The following ALOX12 variants were observed in gnomAD, a reference collection of about 807,000 sequenced individuals.
ALOX12 encodes the protein polyunsaturated fatty acid lipoxygenase ALOX12.
In ALOX12, 62 loss-of-function variants were observed where a neutral mutation model predicts 85.5. The ratio of observed to expected loss-of-function variants is 0.73; its 90% confidence interval spans 0.59 to 0.90. The LOEUF (loss-of-function observed/expected upper bound fraction) is 0.90. Ranked by LOEUF, ALOX12 falls within the 40% of genes least tolerant of loss-of-function variation. The probability of loss-of-function intolerance (pLI) is 0.00; values close to 1 mark genes in which losing one functional copy is unlikely to be tolerated. For missense variants in ALOX12, 751 were observed against 856.5 expected (o/e 0.88, Z 1.54); for synonymous variants, 299 against 332.7 (o/e 0.90, Z 1.10).
At chr17:7,007,957 C>G (rs1909171893) in intron 11 of ALOX12, among the ~76,000 whole-genome samples, 1 of 152,202 alleles carries the variant, frequency 6.6e-6, no homozygotes, top group Non-Finnish European at 1.5e-5. Flanking sequence ...CCTCACAGTT[C>G]TGGAGGCTGA....
chr17:6,996,081 G>A lies in ALOX12; in HGVS notation c.-37G>A. ...CTGGGCGGTCCCGGGAATCGCACAG[G>A]ACCCGGCTCCCCTCGCCTAAGCTGC... is the stretch of plus-strand genomic sequence containing the variant. On this transcript the variant is annotated 5_prime_UTR_variant, in exon 1 of 14. Coordinates refer to ENST00000251535, the MANE Select transcript of ALOX12 (RefSeq NM_000697.3). The A allele has an allele frequency of 8.0e-7, 1 of 1,242,450 alleles. No individual in the cohort carries two copies. The allele number at this position is 1,242,450 out of a possible 1,614,324, so 77.0% of individuals were successfully genotyped here.
Position 7,000,609 on chromosome 17 carries a change from A to G in ALOX12, c.951+130A>G. 8.9e-7 allele frequency: 1 copy of G among 1,119,520 alleles called. No individual in the cohort carries two copies. The highest frequency in any genetic ancestry group is 1.3e-6 in the Non-Finnish European group (1 of 782,388). The allele number at this position is 1,119,520 out of a possible 1,614,324, so 69.3% of individuals were successfully genotyped here. ...CAGTGAGACTTGTCTTCATGTCACT[A>G]TTTGCCTGTACCCTCGTCTCCCCTG... On this transcript the variant is annotated intron_variant, in intron 7 of 13. Coordinates refer to ENST00000251535, the MANE Select transcript of ALOX12 (RefSeq NM_000697.3). The surrounding 1 kb of genome is among the most constrained non-coding windows in gnomAD (Gnocchi z 4.6).
rs1461353845 is a variant in ALOX12, at chr17:7,010,436, C to A, written c.*13C>A. On this transcript the variant is annotated 3_prime_UTR_variant, in exon 14 of 14. Coordinates refer to ENST00000251535, the MANE Select transcript of ALOX12 (RefSeq NM_000697.3). The stretch of plus-strand genomic sequence containing the variant: ...TGTCACCATCTGAGCCCTAGAGTGA[C>A]TCTACCTGCAAGATTTCACATCAGC... The A allele has an allele frequency of 7.5e-6, 12 of 1,605,670 alleles. No homozygotes were observed. Among genetic ancestry groups the A allele is most frequent in the African/African-American group, 1.3e-5 (1 of 74,578 alleles).
intron 1 of ALOX12, 73 bp downstream of exon 1, chr17:6,996,325 G>A (rs1166512782): frequency 4.1e-6 from 5 of 1,209,498 alleles, no homozygotes; most frequent in Non-Finnish European, 5.1e-6. Context: ...CTGGGCTCGC[G>A]GCGGGAGGGC....
At chr17:7,001,580 C>T (rs771395685) in intron 7 of ALOX12, 22 bp from the exon 8 acceptor site, 26 of 1,588,378 alleles carry the variant, frequency 1.6e-5, no homozygotes, top group Non-Finnish European at 2.2e-5. Context: ...AATGGGAGTT[C>T]AATAATTTCT....
In ALOX12 at chr17:7,010,550, A is replaced by G; in HGVS notation, c.*127A>G. 8.6e-7 allele frequency: 1 copy of G among 1,168,150 alleles called. No individual in the cohort carries two copies. Among genetic ancestry groups the G allele is most frequent in the Non-Finnish European group, 1.2e-6 (1 of 852,658 alleles). 72.4% of individuals were successfully genotyped at this position (1,168,150 alleles called of 1,614,324 possible). A position where few individuals can be genotyped will look rare whatever the true frequency, so the allele number is the denominator to read the frequency against. On this transcript the variant is annotated 3_prime_UTR_variant, in exon 14 of 14. Transcript: ENST00000251535. The stretch of plus-strand genomic sequence containing the variant: ...ATTTCCTCCCCCAGTTAAACCCCCT[A>G]CATTAGTATCCCACTAGCCCAGGGG...
chr17:6,997,138 G>A (rs1226779296), intron 2 of ALOX12, 111 bp downstream of exon 2: 1 of 1,429,292 alleles, frequency 7.0e-7, no homozygotes, highest in Non-Finnish European at 9.2e-7. Context: ...ATGGGCCCAG[G>A]GCAGGTGAAA....
At position 7,000,933 on chromosome 17, in the gene ALOX12, A is replaced by C. The variant is rs953703877; in HGVS notation, c.951+454A>C. Among the ~76,000 whole-genome samples the C allele has an allele frequency of 1.4e-5, 2 of 146,812 alleles. No homozygotes were observed. The highest frequency in any genetic ancestry group is 5.1e-5 in the African/African-American group (2 of 39,422). ...GCTCTGAACCCTCGCCATCTCTTGAATATCTTTTCTCGCAATTTCTTTTTT... is the reference window on the plus strand; with the variant it reads ...GCTCTGAACCCTCGCCATCTCTTGACTATCTTTTCTCGCAATTTCTTTTTT... On this transcript the variant is annotated intron_variant, in intron 7 of 13. Coordinates refer to ENST00000251535, the MANE Select transcript of ALOX12 (RefSeq NM_000697.3). The surrounding 1 kb of genome is among the most constrained non-coding windows in gnomAD (Gnocchi z 4.6).
chr17:6,999,204 C>G (rs1908590531), intron 5 of ALOX12, 102 bp from the exon 6 acceptor site: 1 of 1,527,998 alleles, frequency 6.5e-7, no homozygotes, highest in African/African-American at 1.4e-5. Flanking sequence ...AACGCAGAAG[C>G]TGGGTTCAGG....
At chr17:6,996,418 C>G (rs528893884) in intron 1 of ALOX12, among the ~76,000 whole-genome samples, 166 bp downstream of exon 1, 43 of 152,244 alleles carry the variant, frequency 2.8e-4, no homozygotes, top group Non-Finnish European at 5.1e-4. Context: ...AGATTAGGGA[C>G]AGGGTCCGCA....
chr17:7,007,676 G>C (rs1019240171), intron 11 of ALOX12, among the ~76,000 whole-genome samples: 3 of 152,108 alleles, frequency 2.0e-5, no homozygotes, highest in Admixed American at 6.5e-5. Context: ...GAGGTCAGGA[G>C]TTCGAGACCA....
In ALOX12 at chr17:7,005,242, T is replaced by C. The variant is rs1324461230; in HGVS notation, c.1162-15T>C. 2 of 1,610,446 alleles carry C rather than the reference T, an allele frequency of 1.2e-6. No homozygotes were observed. The highest frequency in any genetic ancestry group is 1.7e-6 in the Non-Finnish European group (2 of 1,176,970). On this transcript the variant is annotated splice_polypyrimidine_tract_variant and intron_variant, in intron 8 of 13. Coordinates refer to ENST00000251535, the MANE Select transcript of ALOX12 (RefSeq NM_000697.3). The stretch of plus-strand genomic sequence containing the variant: ...GGCCTCCACCAGTCACGCCCTCCAA[T>C]CTCCTCCTCTCCAGTTCCTGATCCC...
At chr17:7,002,441 C>T (rs1400984628) in intron 8 of ALOX12, 1 of 464,740 alleles carries the variant, frequency 2.2e-6, no homozygotes, top group Non-Finnish European at 4.4e-6. Context: ...GTCCAAGCTT[C>T]TGCCACACCT....
intron 8 of ALOX12, 37 bp from the exon 9 acceptor site, chr17:7,005,220 C>G (rs780644201): frequency 1.9e-6 from 3 of 1,579,880 alleles, no homozygotes; most frequent in Non-Finnish European, 2.6e-6. Flanking sequence ...CAAGCATGGC[C>G]TCCACCAGTC....
rs993938034 is a variant in ALOX12 at position 7,000,009 on chromosome 17, G to A, written c.808-327G>A. Among the ~76,000 whole-genome samples, 1 of 152,180 alleles carries A rather than the reference G, an allele frequency of 6.6e-6. No homozygotes were observed. Among genetic ancestry groups the A allele is most frequent in the Admixed American group, 6.5e-5 (1 of 15,282 alleles). On this transcript the variant is annotated intron_variant, in intron 6 of 13. Coordinates refer to ENST00000251535, the MANE Select transcript of ALOX12 (RefSeq NM_000697.3). The surrounding 1 kb of genome is among the most constrained non-coding windows in gnomAD (Gnocchi z 4.6). Reference sequence around the variant, plus strand: ...AGCTGATAGGAGCCAAAACCAGAGCGCAGACCATTCGGGAATGATCAGAAA... The same window carrying A: ...AGCTGATAGGAGCCAAAACCAGAGCACAGACCATTCGGGAATGATCAGAAA...
chr17:7,006,716 T>A, intron 11 of ALOX12, 109 bp downstream of exon 11: 1 of 1,394,646 alleles, frequency 7.2e-7, no homozygotes, highest in Non-Finnish European at 9.6e-7. Flanking sequence ...ACGCCTCCCT[T>A]CCTCCCTCCA....
chr17:7,002,960 A>C (rs529674301), intron 8 of ALOX12, among the ~76,000 whole-genome samples: 1 of 152,248 alleles, frequency 6.6e-6, no homozygotes, highest in South Asian at 2.1e-4. Flanking sequence ...GGGGGCCTCC[A>C]CCAAGACCCC....
intron 8 of ALOX12, among the ~76,000 whole-genome samples, chr17:7,004,962 G>C (rs1046020636): frequency 4.6e-5 from 7 of 152,178 alleles, no homozygotes; most frequent in African/African-American, 1.7e-4. Flanking sequence ...TGAGATAAGA[G>C]AGTCTATTGC....
In ALOX12 at chr17:6,998,560, A is replaced by G. The variant is rs764467151; in HGVS notation, c.389A>G (p.Lys130Arg). Residue 130 changes from lysine (K) to arginine (R), a missense_variant, in exon 3 of 14, where the codon AAG becomes AGG. Physicochemically the swap from Lys to Arg is conservative, Grantham distance 26. Transcript: ENST00000251535. The part of the protein sequence containing the change: ...ALDMFQKHRE[K>R]ELKDRQQIYC... ...GACATGTTCCAGAAGCATCGAGAGA[A>G]GGAACTGAAAGACAGACAGCAGATC... 2.5e-6 allele frequency: 4 copies of G among 1,613,936 alleles called. No individual in the cohort carries two copies. The highest frequency in any genetic ancestry group is 8.5e-7 in the Non-Finnish European group (1 of 1,179,934).
Sources: allele counts gnomAD v4.1 joint callset (sites outside exome capture counted in the v4.1 genomes callset), GRCh38; gene constraint gnomAD v4.1.1; non-coding constraint Gnocchi (gnomAD v3.1); transcripts MANE v1.5; gene names NCBI Gene and HGNC (gene_info 2026-07-23, HGNC 2026-07-21).